The following ATM variants were observed in gnomAD, a reference collection of about 807,000 sequenced individuals.
ATM encodes the protein ATM serine/threonine kinase, also known as serine-protein kinase ATM.
A neutral mutation model predicts 387.0 loss-of-function variants in ATM; 308 were observed. The observed-to-expected ratio is 0.80, with a 90% CI of 0.73 to 0.87. ATM has a LOEUF of 0.87. ATM is among the 40% of genes least tolerant of loss of function. The probability of loss-of-function intolerance (pLI) is 0.00; values close to 1 mark genes in which losing one functional copy is unlikely to be tolerated. For synonymous variants in ATM, 1,156 were observed against 1,187.3 expected, an observed-to-expected ratio of 0.97 and a Z score of 0.54; for missense variants, 3,312 against 3,560.9, an observed-to-expected ratio of 0.93 and a Z score of 1.78.
intron 14 of ATM, 39 bp downstream of exon 14, chr11:108,256,379 G>C: frequency 6.3e-7 from 1 of 1,579,460 alleles, no homozygotes; most frequent in Non-Finnish European, 8.7e-7. Flanking sequence ...GGATAAATTT[G>C]AATGAAATGT....
Position 108,292,735 on chromosome 11 carries a change from A to C in ATM, c.4553A>C (p.His1518Pro), listed in dbSNP as rs762132832. 1 of 1,613,862 alleles carries C rather than the reference A, an allele frequency of 6.2e-7. No individual in the cohort carries two copies. Among genetic ancestry groups the C allele is most frequent in the African/African-American group, 1.3e-5 (1 of 74,888 alleles). ...AAGGATGCTCTAGAAAACCATCTTC[A>C]TGTTATTGTTGGTACACTTATACCC... ...YCKDALENHL[H>P]VIVGTLIPLV... Residue 1518 changes from histidine (H) to proline (P), a missense_variant, in exon 30 of 63, where the codon CAT becomes CCT. This residue lies in a region of ATM where 1,791 missense variants were observed against 1,804.5 expected (regional missense o/e 0.99). Coordinates refer to ENST00000675843, the MANE Select transcript of ATM (RefSeq NM_000051.4).
chr11:108,336,180 G>A (rs1279916400), intron 56 of ATM: 5 of 461,602 alleles, frequency 1.1e-5, no homozygotes, highest in African/African-American at 2.0e-5. Context: ...GCATGTGCTT[G>A]TAGTCCCTTA....
intron 50 of ATM, 99 bp downstream of exon 50, chr11:108,330,520 C>T: frequency 8.1e-7 from 1 of 1,235,924 alleles, no homozygotes; most frequent in Non-Finnish European, 1.2e-6. Context: ...GTATTCCTAG[C>T]ACTTGGTCCA....
At chr11:108,334,506 G>A (rs189086795) in intron 54 of ATM, among the ~76,000 whole-genome samples, 2 of 152,270 alleles carry the variant, frequency 1.3e-5, no homozygotes, top group East Asian at 1.9e-4. Flanking sequence ...AGGGTTATAA[G>A]TTTAGAAAAT....
At chr11:108,227,574 C>T (rs2135002115) in intron 1 of ATM, 21 bp from the exon 2 acceptor site, 5 of 1,355,532 alleles carry the variant, frequency 3.7e-6, no homozygotes, top group Non-Finnish European at 5.3e-6. Context: ...ATATATATAC[C>T]TATATGTATT....
chr11:108,340,250 A>G (rs1157169324), intron 56 of ATM: 2 of 152,200 alleles, frequency 1.3e-5, no homozygotes, highest in Non-Finnish European at 1.5e-5. Context: ...CAGTTTCAGC[A>G]GTTACCAACT....
intron 8 of ATM, among the ~76,000 whole-genome samples, chr11:108,247,664 C>T (rs1428945847): frequency 6.6e-6 from 1 of 152,140 alleles, no homozygotes; most frequent in Non-Finnish European, 1.5e-5. Context: ...GGCACAATCT[C>T]CGCTCACTGC....
In ATM at chr11:108,365,334, C is replaced by G. The variant is rs2137904857; in HGVS notation, c.8997C>G (p.Asp2999Glu). ...QECKRNLSDI[D>E]QSFNKVAERV... ...GTGTTTTTGTCCTTAGTGATATTGA[C>G]CAGAGTTTCAACAAAGTAGCTGAAC... The change falls in exon 63 of 63, where the codon GAC (aspartate) becomes GAG (glutamate). Residue 2999 changes from aspartate (D) to glutamate (E), a missense_variant. By Grantham distance (45) the Asp-to-Glu change is conservative (BLOSUM62 2). Transcript: ENST00000675843. 1 of 1,614,116 alleles carries G rather than the reference C, an allele frequency of 6.2e-7. No homozygotes were observed. Among genetic ancestry groups the G allele is most frequent in the Non-Finnish European group, 8.5e-7 (1 of 1,180,028 alleles).
intron 5 of ATM, among the ~76,000 whole-genome samples, chr11:108,239,480 C>T (rs969892787): frequency 1.3e-5 from 2 of 152,144 alleles, no homozygotes; most frequent in African/African-American, 2.4e-5. Flanking sequence ...CAGAATTTCA[C>T]CCTTATTAAA....
intron 36 of ATM, 94 bp downstream of exon 36, chr11:108,303,123 AC>A (rs1591713409): frequency 3.3e-6 from 4 of 1,213,366 alleles, no homozygotes; most frequent in East Asian, 2.4e-5. Context: ...ACATAATATC[AC>A]CCCCACTCAA....
intron 60 of ATM, 100 bp downstream of exon 60, chr11:108,353,980 C>A: frequency 8.6e-7 from 1 of 1,163,804 alleles, no homozygotes; most frequent in Non-Finnish European, 1.3e-6. Flanking sequence ...GCTCAAGAGG[C>A]TGAAGTGGGA....
intron 56 of ATM, among the ~76,000 whole-genome samples, chr11:108,342,234 G>A (rs1024924267): frequency 6.6e-6 from 1 of 152,104 alleles, no homozygotes; most frequent in East Asian, 1.9e-4. Flanking sequence ...ATGTTCACGA[G>A]TAGTTTATTT....
intron 59 of ATM, among the ~76,000 whole-genome samples, chr11:108,349,872 T>C (rs1228461958): frequency 6.6e-6 from 1 of 152,166 alleles, no homozygotes; most frequent in African/African-American, 2.4e-5. Flanking sequence ...TCTGATAGCA[T>C]TGGCTTTAGA....
At chr11:108,271,741 G>A (rs2081594587) in intron 20 of ATM, among the ~76,000 whole-genome samples, 1 of 152,140 alleles carries the variant, frequency 6.6e-6, no homozygotes, top group Non-Finnish European at 1.5e-5. Flanking sequence ...TCCTTATCTG[G>A]TTATTTTATG....
At chr11:108,341,433 G>A (rs929315432) in intron 56 of ATM, among the ~76,000 whole-genome samples, 1 of 151,920 alleles carries the variant, frequency 6.6e-6, no homozygotes. Context: ...TTCCTCACCA[G>A]AATGAAACTT....
At position 108,284,462 on chromosome 11, in the gene ATM, T is replaced by C. The variant is rs876658204; in HGVS notation, c.3982T>C (p.Leu1328=). 3.7e-6 allele frequency: 6 copies of C among 1,613,842 alleles called. No individual in the cohort carries two copies. In the Admixed American group the frequency reaches 5.0e-5, roughly 13 times the overall value. The part of the protein sequence containing the change: ...VYDMLKSENL[L]GKQIDHLFIS... ...TGATATGCTTAAAAGTGAAAACTTA[T>C]TGGGAAAACAGGTATGGCTTCAATT... The change falls in exon 26 of 63, where the codon TTG becomes CTG. Residue 1328 remains leucine, a synonymous_variant. Transcript: ENST00000675843.
chr11:108,292,911 T>C (rs1251471594), intron 30 of ATM, 118 bp downstream of exon 30: 3 of 1,270,234 alleles, frequency 2.4e-6, no homozygotes, highest in Non-Finnish European at 3.3e-6. Context: ...ATATTTTTTG[T>C]AAAATGATTG....
At chr11:108,295,579 C>T (rs1032142790) in intron 32 of ATM, 1 of 157,592 alleles carries the variant, frequency 6.3e-6, no homozygotes, top group Admixed American at 6.2e-5. Flanking sequence ...TCAAGTGATC[C>T]TCCTGCCTTA....
At chr11:108,319,545 CCT>C (rs772088635) in intron 43 of ATM, among the ~76,000 whole-genome samples, 2 of 152,172 alleles carry the variant, frequency 1.3e-5, no homozygotes, top group African/African-American at 4.8e-5. Flanking sequence ...GTTTTGTTAC[CCT>C]GTTTTAATTC....
Sources: allele counts gnomAD v4.1 joint callset (sites outside exome capture counted in the v4.1 genomes callset), GRCh38; gene constraint gnomAD v4.1.1; regional missense constraint gnomAD v4.1.1; transcripts MANE v1.5; gene names NCBI Gene and HGNC (gene_info 2026-07-23, HGNC 2026-07-21).